The following TTC7B variants were observed in gnomAD, a reference collection of about 807,000 sequenced individuals.
TTC7B encodes tetratricopeptide repeat protein 7B.
In TTC7B, 28 loss-of-function variants were observed where a neutral mutation model predicts 106.8. The observed-to-expected ratio is 0.26, with a 90% confidence interval of 0.19 to 0.36. The LOEUF is 0.36. Among genes scored for constraint, TTC7B ranks in the 10% least tolerant of loss-of-function variants. The pLI is 1.00. For synonymous variants in TTC7B, 405 were observed against 430.6 expected (o/e 0.94, Z 0.74); for missense variants, 862 against 1,076.4 (o/e 0.80, Z 2.79).
At chr14:90,756,389 T>TTTTTTTTG (rs2140012073) in intron 3 of TTC7B, among the ~76,000 whole-genome samples, 1 of 149,432 alleles carries the variant, frequency 6.7e-6, no homozygotes, top group Admixed American at 6.6e-5. Context: ...TTTTTGTTTT[T>TTTTTTTTG]TTTTTTTGTT....
Position 90,525,158 on chromosome 14 carries a change from A to T in TTC7B, c.*16210T>A, listed in dbSNP as rs1889117974. 6.6e-6 allele frequency: 1 copy of T among 151,022 alleles called. No homozygotes were observed. Among genetic ancestry groups the T allele is most frequent in the East Asian group, 2.0e-4 (1 of 5,088 alleles). The allele number at this position is 151,022 out of a possible 1,614,324, so 9.4% of individuals were successfully genotyped here. On this transcript the variant is annotated 3_prime_UTR_variant, in exon 20 of 20. Transcript: ENST00000328459. ...ACGGGTCTGCTTTCCCTCACTCTAGATTAGTCCACATTTTCTAGAGTTTTC... is the reference window on the plus strand; with the variant it reads ...ACGGGTCTGCTTTCCCTCACTCTAGTTTAGTCCACATTTTCTAGAGTTTTC...
intron 15 of TTC7B, among the ~76,000 whole-genome samples, chr14:90,634,498 G>A (rs1035393159): frequency 6.6e-6 from 1 of 152,124 alleles, no homozygotes; most frequent in African/African-American, 2.4e-5. Flanking sequence ...GAGGCCGGGT[G>A]GGGTGGGTCA....
chr14:90,551,959 C>G (rs891419643), intron 19 of TTC7B, among the ~76,000 whole-genome samples: 1 of 152,370 alleles, frequency 6.6e-6, no homozygotes, highest in Admixed American at 6.5e-5. Flanking sequence ...AAGCTCTGGG[C>G]GAGGCCTGGT....
intron 5 of TTC7B, among the ~76,000 whole-genome samples, chr14:90,702,496 T>C (rs1016957877): frequency 6.6e-6 from 1 of 152,228 alleles, no homozygotes; most frequent in Non-Finnish European, 1.5e-5. Flanking sequence ...TTGCCATTAT[T>C]ACTTCTGTTA....
At chr14:90,704,547 A>C (rs759748264) in intron 5 of TTC7B, among the ~76,000 whole-genome samples, 23 of 152,182 alleles carry the variant, frequency 1.5e-4, no homozygotes, top group Non-Finnish European at 2.9e-4. Flanking sequence ...ACTACCTCCT[A>C]TGACGCAAAA....
chr14:90,719,100 AC>A (rs1394733853), intron 5 of TTC7B, among the ~76,000 whole-genome samples: 5 of 151,846 alleles, frequency 3.3e-5, no homozygotes, highest in Admixed American at 2.0e-4. Flanking sequence ...GTCGCTACAA[AC>A]AAACAAACAA....
chr14:90,631,678 T>C (rs1484404134), intron 15 of TTC7B, among the ~76,000 whole-genome samples: 1 of 152,194 alleles, frequency 6.6e-6, no homozygotes, highest in Non-Finnish European at 1.5e-5. Flanking sequence ...AGTGCTGGGA[T>C]TACAGGCATG....
At chr14:90,558,470 G>T (rs1890419375) in intron 19 of TTC7B, among the ~76,000 whole-genome samples, 1 of 152,260 alleles carries the variant, frequency 6.6e-6, no homozygotes, top group African/African-American at 2.4e-5. Flanking sequence ...ACAAAGGCCG[G>T]ATAGTTCACT....
intron 3 of TTC7B, among the ~76,000 whole-genome samples, chr14:90,753,353 G>A (rs554643730): frequency 6.6e-6 from 1 of 152,282 alleles, no homozygotes; most frequent in South Asian, 2.1e-4. Flanking sequence ...CCAGCCCCAT[G>A]GTATAGCCTT....
intron 19 of TTC7B, among the ~76,000 whole-genome samples, chr14:90,565,852 C>T (rs1039904931): frequency 1.3e-5 from 2 of 152,166 alleles, no homozygotes; most frequent in African/African-American, 2.4e-5. Context: ...AAAAAGATGG[C>T]GGAACAGCTG....
chr14:90,678,876 C>T (rs181916907), intron 8 of TTC7B, among the ~76,000 whole-genome samples: 3 of 152,270 alleles, frequency 2.0e-5, no homozygotes, highest in East Asian at 3.9e-4. Flanking sequence ...CAGAATTGTC[C>T]AGGTAATCTA....
intron 19 of TTC7B, among the ~76,000 whole-genome samples, chr14:90,566,447 G>C (rs188721229): frequency 2.0e-5 from 3 of 152,168 alleles, no homozygotes; most frequent in African/African-American, 7.2e-5. Context: ...ATAAGACAAA[G>C]GGCAATAAGA....
chr14:90,584,601 A>C (rs1891639738), intron 18 of TTC7B, among the ~76,000 whole-genome samples: 1 of 152,090 alleles, frequency 6.6e-6, no homozygotes, highest in African/African-American at 2.4e-5. Flanking sequence ...AAACGCACAC[A>C]AAGGAGCAGT....
chr14:90,727,474 G>A (rs1595326593), intron 5 of TTC7B, among the ~76,000 whole-genome samples: 1 of 152,358 alleles, frequency 6.6e-6, no homozygotes, highest in Middle Eastern at 3.4e-3. Flanking sequence ...GAGGACCAGT[G>A]ACCATGAAGG....
intron 7 of TTC7B, among the ~76,000 whole-genome samples, chr14:90,682,629 G>A: frequency 6.6e-6 from 1 of 152,198 alleles, no homozygotes. Flanking sequence ...GCCTCAGGGG[G>A]AGATACTGGG....
intron 4 of TTC7B, among the ~76,000 whole-genome samples, chr14:90,734,304 C>T (rs553094820): frequency 6.6e-6 from 1 of 151,936 alleles, no homozygotes; most frequent in African/African-American, 2.4e-5. Context: ...CCTGTAGACC[C>T]AGCTACTCAG....
At chr14:90,775,638 C>T (rs1891002871) in intron 3 of TTC7B, among the ~76,000 whole-genome samples, 1 of 152,142 alleles carries the variant, frequency 6.6e-6, no homozygotes, top group Admixed American at 6.5e-5. Flanking sequence ...ACAGAGGTTA[C>T]TCAGCTTGAC....
rs114339231 is a variant in TTC7B, at chr14:90,638,910, G to A, written c.1751+5138C>T. On this transcript the variant is annotated intron_variant, in intron 15 of 19. Coordinates refer to ENST00000328459, the MANE Select transcript of TTC7B (RefSeq NM_001010854.2). ...AAACAGGAAACTTAGAAACAACTGC[G>A]GACATTTGGTTGATGACAAAGGTGG... Among the ~76,000 whole-genome samples the A allele has an allele frequency of 3.6e-3, 555 of 152,346 alleles. 6 individuals are homozygous for A. Among genetic ancestry groups the A allele is most frequent in the African/African-American group, 0.013 (536 of 41,584 alleles).
intron 19 of TTC7B, among the ~76,000 whole-genome samples, chr14:90,544,726 G>A (rs919316757): frequency 6.6e-5 from 10 of 152,132 alleles, no homozygotes; most frequent in African/African-American, 2.4e-4. Context: ...TCTGGGTAGC[G>A]GCCCTGAGCA....
Sources: gnomAD v4.1 joint callset for allele counts (sites outside exome capture counted in the v4.1 genomes callset) on GRCh38, gnomAD v4.1.1 for gene constraint, MANE v1.5 for transcripts, NCBI Gene and HGNC (gene_info 2026-07-23, HGNC 2026-07-21) for gene names.